The following DGKG variants were observed in gnomAD, a reference collection of about 807,000 sequenced individuals.
DGKG encodes diacylglycerol kinase gamma, also known as DAG kinase gamma.
A neutral mutation model predicts 105.3 loss-of-function variants in DGKG; 78 were observed. That is an observed-to-expected ratio of 0.74 (90% CI 0.62 to 0.89). The LOEUF is 0.89. DGKG is among the 40% of genes least tolerant of loss of function. The pLI is 0.00. For missense variants in DGKG, 958 were observed against 1,020.1 expected (o/e 0.94, Z 0.83); for synonymous variants, 346 against 367.1 (o/e 0.94, Z 0.66).
intron 22 of DGKG, among the ~76,000 whole-genome samples, chr3:186,180,563 T>C (rs1285271527): frequency 6.6e-6 from 1 of 152,132 alleles, no homozygotes; most frequent in Non-Finnish European, 1.5e-5. Context: ...ACATTTTTAT[T>C]TTCTCTCAAC....
chr3:186,293,613 G>T (rs1723410498), intron 5 of DGKG, among the ~76,000 whole-genome samples: 1 of 152,246 alleles, frequency 6.6e-6, no homozygotes, highest in African/African-American at 2.4e-5. Flanking sequence ...TCTGGACCCT[G>T]AAAGCCCTGC....
chr3:186,206,190 C>T (rs1164861150), intron 21 of DGKG, among the ~76,000 whole-genome samples: 2 of 152,102 alleles, frequency 1.3e-5, no homozygotes, highest in African/African-American at 4.8e-5. Context: ...TCGAGACCAT[C>T]CTGCCCTACG....
At chr3:186,216,634 C>T (rs1661965708) in intron 20 of DGKG, among the ~76,000 whole-genome samples, 1 of 152,106 alleles carries the variant, frequency 6.6e-6, no homozygotes, top group African/African-American at 2.4e-5. Context: ...AGCACACCAC[C>T]ACCACCACCC....
chr3:186,268,555 G>A (rs1479757418), intron 12 of DGKG, among the ~76,000 whole-genome samples: 3 of 152,226 alleles, frequency 2.0e-5, no homozygotes, highest in South Asian at 2.1e-4. Flanking sequence ...CACAGACAGT[G>A]GACTGGCCAG....
intron 10 of DGKG, among the ~76,000 whole-genome samples, chr3:186,272,722 C>T (rs779704722): frequency 6.6e-6 from 1 of 151,866 alleles, no homozygotes; most frequent in Non-Finnish European, 1.5e-5. Flanking sequence ...AAGGCCAGGG[C>T]TTTTTTTTGT....
chr3:186,217,656 C>G (rs915022751), intron 20 of DGKG, among the ~76,000 whole-genome samples: 4 of 152,306 alleles, frequency 2.6e-5, no homozygotes, highest in Admixed American at 2.6e-4. Context: ...AATCCATCAT[C>G]CTGACAGCTA....
At chr3:186,201,587 C>G (rs1242139152) in intron 21 of DGKG, among the ~76,000 whole-genome samples, 1 of 152,190 alleles carries the variant, frequency 6.6e-6, no homozygotes, top group Admixed American at 6.5e-5. Flanking sequence ...GCGTGGGAGG[C>G]CTTCTCACTC....
At chr3:186,246,308 A>G (rs1449258756) in intron 19 of DGKG, among the ~76,000 whole-genome samples, 1 of 152,248 alleles carries the variant, frequency 6.6e-6, no homozygotes, top group East Asian at 1.9e-4. Flanking sequence ...CATTAACCCA[A>G]TAAGCCTTGA....
intron 1 of DGKG, among the ~76,000 whole-genome samples, chr3:186,357,936 C>A (rs1287353994): frequency 2.0e-5 from 3 of 152,190 alleles, no homozygotes; most frequent in African/African-American, 4.8e-5. Context: ...GACCGAGGAA[C>A]TGAATTTTAA....
chr3:186,301,250 G>T (rs1723906134), intron 3 of DGKG, among the ~76,000 whole-genome samples: 1 of 152,118 alleles, frequency 6.6e-6, no homozygotes, highest in Non-Finnish European at 1.5e-5. Context: ...ATGTCCATCT[G>T]TTGGTCCTCC....
intron 23 of DGKG, among the ~76,000 whole-genome samples, chr3:186,164,500 G>A (rs1716442605): frequency 6.6e-6 from 1 of 152,232 alleles, no homozygotes; most frequent in Admixed American, 6.5e-5. Context: ...CTGAGAAGGA[G>A]TAGAGCAGAG....
chr3:186,340,378 A>T (rs1049197775), intron 1 of DGKG, among the ~76,000 whole-genome samples: 2 of 152,196 alleles, frequency 1.3e-5, no homozygotes, highest in Non-Finnish European at 2.9e-5. Context: ...AAGAGCACAG[A>T]GTTAGTCATT....
chr3:186,169,316 C>T (rs73066184), intron 22 of DGKG, among the ~76,000 whole-genome samples: 2,226 of 152,304 alleles, frequency 0.015, 50 homozygotes, highest in African/African-American at 0.051. Flanking sequence ...CAAATCCCAA[C>T]AAAATCTTAA....
Position 186,302,527 on chromosome 3 carries a change from TATATAC to T in DGKG, c.145-4304_145-4299del, listed in dbSNP as rs1724012073. Among the ~76,000 whole-genome samples, 6 of 99,814 alleles carry T rather than the reference TATATAC, an allele frequency of 6.0e-5. No individual in the cohort carries two copies. The South Asian group carries it at 1.5e-3, about 25-fold the overall frequency. The allele number at this position is 99,814 out of a possible 152,430, so 65.5% of individuals were successfully genotyped here. A position where few individuals can be genotyped will look rare whatever the true frequency, so the allele number is the denominator to read the frequency against. On this transcript the variant is annotated intron_variant, in intron 3 of 24. Transcript: ENST00000265022. ...ATATACATATGTGTATATATATATA[TATATAC>T]ATATGTATATATATATATATATATA...
chr3:186,356,389 T>C (rs947149083), intron 1 of DGKG, among the ~76,000 whole-genome samples: 2 of 152,094 alleles, frequency 1.3e-5, no homozygotes, highest in South Asian at 2.1e-4. Context: ...TGAGAAACAA[T>C]GCACAGTCTC....
chr3:186,178,841 T>A (rs767855371), intron 22 of DGKG, among the ~76,000 whole-genome samples: 1 of 152,208 alleles, frequency 6.6e-6, no homozygotes, highest in African/African-American at 2.4e-5. Context: ...GTAGAAAGAA[T>A]TGTACGTTTG....
intron 19 of DGKG, among the ~76,000 whole-genome samples, chr3:186,249,622 G>A (rs1721110939): frequency 6.6e-6 from 1 of 152,140 alleles, no homozygotes; most frequent in Admixed American, 6.5e-5. Flanking sequence ...CAGGTGGATC[G>A]TTTGAGGTCA....
chr3:186,182,259 G>C (rs992567703), intron 22 of DGKG, among the ~76,000 whole-genome samples: 1 of 152,228 alleles, frequency 6.6e-6, no homozygotes, highest in Admixed American at 6.5e-5. Flanking sequence ...GTAGTCAAGA[G>C]AGTGAAATTC....
chr3:186,249,195 T>G (rs1578724256), intron 19 of DGKG, among the ~76,000 whole-genome samples: 1 of 152,090 alleles, frequency 6.6e-6, no homozygotes, highest in East Asian at 1.9e-4. Flanking sequence ...TAGGGAAACA[T>G]TCCCCTCAGC....
Sources: gnomAD v4.1 joint callset for allele counts (sites outside exome capture counted in the v4.1 genomes callset) on GRCh38, gnomAD v4.1.1 for gene constraint, MANE v1.5 for transcripts, NCBI Gene and HGNC (gene_info 2026-07-23, HGNC 2026-07-21) for gene names.